The following DHRSX variants were observed in gnomAD, a reference collection of about 807,000 sequenced individuals.
DHRSX encodes dehydrogenase/reductase X-linked.
Under a neutral mutation model 34.0 loss-of-function variants are expected in DHRSX, and 31 were observed. The ratio of observed to expected loss-of-function variants is 0.91; its 90% confidence interval spans 0.69 to 1.23. The LOEUF (loss-of-function observed/expected upper bound fraction) is 1.23, where lower values mean the gene tolerates loss of function less well. DHRSX is among the 50% of genes most tolerant of loss of function. The pLI is 0.00. For missense variants in DHRSX, 414 were observed against 428.1 expected, an observed-to-expected ratio of 0.97 and a Z score of 0.29; for synonymous variants, 201 against 183.8, an observed-to-expected ratio of 1.09 and a Z score of -0.76.
chrX:2,291,151 G>A (rs1271775436), intron 4 of DHRSX, among the ~76,000 whole-genome samples: 2 of 152,144 alleles, frequency 1.3e-5, no homozygotes, highest in Non-Finnish European at 2.9e-5. Flanking sequence ...AGCTTCTAGT[G>A]CCCAAATAAT....
At chrX:2,463,809 A>C (rs1158210887) in intron 1 of DHRSX, among the ~76,000 whole-genome samples, 2 of 151,978 alleles carry the variant, frequency 1.3e-5, no homozygotes, top group Admixed American at 1.3e-4. Flanking sequence ...AATGAAGAAA[A>C]AAAAGCAGCT....
chrX:2,336,420 T>G (rs2042564604), intron 3 of DHRSX: 1 of 152,154 alleles, frequency 6.6e-6, no homozygotes, highest in Non-Finnish European at 1.5e-5. Context: ...GTAACATTTA[T>G]CTAGCAACAA....
At chrX:2,381,754 A>G (rs2043205034) in intron 3 of DHRSX, among the ~76,000 whole-genome samples, 1 of 148,302 alleles carries the variant, frequency 6.7e-6, no homozygotes, top group South Asian at 2.2e-4. Flanking sequence ...CTTTGTTCCA[A>G]CAGTGGCAGG....
At chrX:2,467,962 C>CAAAA (rs746652058) in intron 1 of DHRSX, among the ~76,000 whole-genome samples, 12 of 84,236 alleles carry the variant, frequency 1.4e-4, no homozygotes, top group African/African-American at 5.4e-4. Flanking sequence ...AACTCCGTCT[C>CAAAA]AAAAAAAAAA....
chrX:2,322,394 C>G (rs2042322358), intron 3 of DHRSX, among the ~76,000 whole-genome samples: 1 of 151,618 alleles, frequency 6.6e-6, no homozygotes, highest in Non-Finnish European at 1.5e-5. Flanking sequence ...ACTAAAAATA[C>G]AAAAATTAGC....
intron 6 of DHRSX, among the ~76,000 whole-genome samples, chrX:2,223,350 A>G (rs1299761055): frequency 6.6e-6 from 1 of 152,154 alleles, no homozygotes; most frequent in Non-Finnish European, 1.5e-5. Context: ...ACCTTCCGCC[A>G]TGATTGTCAG....
intron 3 of DHRSX, among the ~76,000 whole-genome samples, chrX:2,371,127 C>T (rs2043053354): frequency 6.6e-6 from 1 of 151,868 alleles, no homozygotes; most frequent in Non-Finnish European, 1.5e-5. Flanking sequence ...TAATCCCTCC[C>T]CGCCATTACC....
intron 3 of DHRSX, among the ~76,000 whole-genome samples, chrX:2,379,900 C>A (rs1172904265): frequency 6.6e-6 from 1 of 152,068 alleles, no homozygotes; most frequent in Non-Finnish European, 1.5e-5. Flanking sequence ...ACTGGCCCAA[C>A]ACACTCGTCA....
intron 1 of DHRSX, among the ~76,000 whole-genome samples, chrX:2,486,225 C>T (rs761914648): frequency 1.4e-4 from 21 of 152,148 alleles, no homozygotes; most frequent in Non-Finnish European, 2.6e-4. Flanking sequence ...CCAAAACACC[C>T]GAAAGTACAT....
intron 1 of DHRSX, among the ~76,000 whole-genome samples, chrX:2,437,022 G>T (rs911664500): frequency 1.3e-5 from 2 of 151,892 alleles, no homozygotes; most frequent in Non-Finnish European, 2.9e-5. Flanking sequence ...TTTTGAGACC[G>T]AGTCTCGCTC....
intron 1 of DHRSX, among the ~76,000 whole-genome samples, chrX:2,475,149 CT>C (rs2044657975): frequency 6.8e-6 from 1 of 147,222 alleles, no homozygotes; most frequent in Non-Finnish European, 1.5e-5. Flanking sequence ...AGTGAAGACA[CT>C]CCCTAAGTAT....
intron 3 of DHRSX, among the ~76,000 whole-genome samples, chrX:2,304,742 G>A (rs1316511417): frequency 6.6e-6 from 1 of 150,522 alleles, no homozygotes; most frequent in African/African-American, 2.5e-5. Context: ...ACAGCCTGCA[G>A]ATCCATGAGC....
chrX:2,282,750 G>C (rs905132285), intron 4 of DHRSX, among the ~76,000 whole-genome samples: 2 of 142,290 alleles, frequency 1.4e-5, no homozygotes, highest in African/African-American at 5.2e-5. Context: ...GAATGGGAGA[G>C]AGAGAAGAGG....
chrX:2,229,070 C>A (rs1325675397), intron 6 of DHRSX, among the ~76,000 whole-genome samples: 1 of 152,170 alleles, frequency 6.6e-6, no homozygotes, highest in East Asian at 1.9e-4. Context: ...GCTCGTTCGC[C>A]TTCTGGAAAT....
intron 3 of DHRSX, among the ~76,000 whole-genome samples, chrX:2,366,358 T>G (rs1390694584): frequency 6.6e-6 from 1 of 151,762 alleles, no homozygotes; most frequent in Non-Finnish European, 1.5e-5. Flanking sequence ...GAAGAATTAC[T>G]TGAACCCAGA....
chrX:2,479,434 A>T (rs888115091), intron 1 of DHRSX, among the ~76,000 whole-genome samples: 1 of 150,546 alleles, frequency 6.6e-6, no homozygotes, highest in Non-Finnish European at 1.5e-5. Context: ...GACATTCCGT[A>T]AGAATATGGC....
At chrX:2,338,210 G>A (rs2042594364) in intron 3 of DHRSX, among the ~76,000 whole-genome samples, 1 of 151,930 alleles carries the variant, frequency 6.6e-6, no homozygotes, top group African/African-American at 2.4e-5. Flanking sequence ...GTGCGCGCCT[G>A]TAATCCCAGC....
intron 6 of DHRSX, among the ~76,000 whole-genome samples, chrX:2,229,694 T>C (rs2015822392): frequency 6.6e-6 from 1 of 152,110 alleles, no homozygotes; most frequent in African/African-American, 2.4e-5. Context: ...CGTGCATGAA[T>C]GCACACGTTA....
chrX:2,453,843 T>C (rs2044259940), intron 1 of DHRSX, among the ~76,000 whole-genome samples: 1 of 152,062 alleles, frequency 6.6e-6, no homozygotes, highest in Non-Finnish European at 1.5e-5. Context: ...GTGATATAGG[T>C]CAGAGTTAGG....
Sources: gnomAD v4.1 joint callset for allele counts (sites outside exome capture counted in the v4.1 genomes callset) on GRCh38, gnomAD v4.1.1 for gene constraint, MANE v1.5 for transcripts, NCBI Gene and HGNC (gene_info 2026-07-23, HGNC 2026-07-21) for gene names.